Variants in SPATA13 observed in about 807,000 individuals in gnomAD.
SPATA13 encodes the protein spermatogenesis associated 13.
Under a neutral mutation model 104.0 loss-of-function variants are expected in SPATA13, and 50 were observed. The ratio of observed to expected loss-of-function variants is 0.48; its 90% CI spans 0.38 to 0.61. The LOEUF (loss-of-function observed/expected upper bound fraction) is 0.61. Among genes scored for constraint, SPATA13 ranks in the 20% least tolerant of loss-of-function variants. SPATA13 has a pLI of 0.00. For synonymous variants in SPATA13, 606 were observed against 667.5 expected, an observed-to-expected ratio of 0.91 and a Z score of 1.42; for missense variants, 1,524 against 1,690.6, an observed-to-expected ratio of 0.90 and a Z score of 1.73.
intron 3 of SPATA13, among the ~76,000 whole-genome samples, chr13:24,140,068 CA>C (rs542732994): frequency 0.039 from 3,336 of 85,882 alleles, 84 homozygotes; most frequent in African/African-American, 0.11. Flanking sequence ...GACTCCGTCT[CA>C]AAAAAAAAAA....
intron 3 of SPATA13, among the ~76,000 whole-genome samples, chr13:24,085,660 C>T (rs114812796): frequency 0.014 from 2,154 of 152,286 alleles, 52 homozygotes; most frequent in African/African-American, 0.049. Flanking sequence ...CCATGTGGCC[C>T]GACTCCCTTT....
chr13:24,053,411 C>T (rs1878431374), intron 3 of SPATA13, among the ~76,000 whole-genome samples: 2 of 152,132 alleles, frequency 1.3e-5, no homozygotes, highest in Non-Finnish European at 2.9e-5. Flanking sequence ...TAACAAAATT[C>T]GGGTAGAAAT....
At chr13:24,209,106 A>G (rs1870870873) in intron 1 of SPATA13, among the ~76,000 whole-genome samples, 1 of 152,108 alleles carries the variant, frequency 6.6e-6, no homozygotes, top group Non-Finnish European at 1.5e-5. Context: ...ATTCTAACGG[A>G]GGTGCAGAGA....
Position 24,019,096 on chromosome 13 carries a change from T to TTA in SPATA13, c.-112+1396_-112+1397insAT, listed in dbSNP as rs1305167522. ...GATTCTTATTATTATTATTATTATT[T>TTA]TTTTTTTTTTGAGACGGAGTCTCGC... On this transcript the variant is annotated intron_variant, in intron 3 of 14. Transcript: ENST00000424834. 4.2e-3 allele frequency among the ~76,000 whole-genome samples: 563 copies of TTA among 134,508 alleles called. 2 individuals are homozygous for TTA. Among genetic ancestry groups the TTA allele is most frequent in the African/African-American group, 0.013 (467 of 36,574 alleles). 88.2% of individuals were successfully genotyped at this position (134,508 alleles called of 152,430 possible).
At chr13:24,081,339 C>CT (rs942157017) in intron 3 of SPATA13, among the ~76,000 whole-genome samples, 211 of 152,186 alleles carry the variant, frequency 1.4e-3, no homozygotes, top group African/African-American at 4.9e-3. Context: ...ATTTTATTAT[C>CT]TTTTTTTCCC....
chr13:24,064,158 C>A (rs1466294757), intron 3 of SPATA13, among the ~76,000 whole-genome samples: 1 of 152,210 alleles, frequency 6.6e-6, no homozygotes, highest in Non-Finnish European at 1.5e-5. Context: ...ATTATTTTCC[C>A]TGTGAATGGA....
chr13:24,083,943 A>G (rs1038062897), intron 3 of SPATA13, among the ~76,000 whole-genome samples: 1 of 152,178 alleles, frequency 6.6e-6, no homozygotes, highest in Non-Finnish European at 1.5e-5. Context: ...CATCTCATGA[A>G]TTTCTGCAAT....
chr13:24,069,560 A>G (rs1879086601), intron 3 of SPATA13, among the ~76,000 whole-genome samples: 1 of 152,158 alleles, frequency 6.6e-6, no homozygotes, highest in Non-Finnish European at 1.5e-5. Context: ...ATGTGTCTAC[A>G]AACAGCGATA....
At chr13:24,206,728 C>T (rs1320709036) in intron 1 of SPATA13, among the ~76,000 whole-genome samples, 1 of 152,012 alleles carries the variant, frequency 6.6e-6, no homozygotes, top group Admixed American at 6.5e-5. Context: ...CCTGTCTCTA[C>T]TAAAAATACA....
At chr13:24,095,542 A>G (rs1318714139) in intron 3 of SPATA13, among the ~76,000 whole-genome samples, 2 of 152,198 alleles carry the variant, frequency 1.3e-5, no homozygotes, top group Non-Finnish European at 2.9e-5. Context: ...CCACGGAGCT[A>G]TACGTTTAGA....
At chr13:24,178,654 C>G (rs1456222105) in intron 1 of SPATA13, among the ~76,000 whole-genome samples, 2 of 152,182 alleles carry the variant, frequency 1.3e-5, no homozygotes, top group Non-Finnish European at 2.9e-5. Context: ...AATGGCTGAG[C>G]TGGGATTATA....
intron 3 of SPATA13, among the ~76,000 whole-genome samples, chr13:24,131,388 C>G (rs935877333): frequency 8.5e-5 from 13 of 152,178 alleles, no homozygotes; most frequent in Non-Finnish European, 1.5e-5. Flanking sequence ...GGCTGACTCA[C>G]AAAACCATCT....
At chr13:24,113,312 T>C (rs1462574925) in intron 3 of SPATA13, among the ~76,000 whole-genome samples, 1 of 152,222 alleles carries the variant, frequency 6.6e-6, no homozygotes, top group Non-Finnish European at 1.5e-5. Flanking sequence ...TTCATAAAGC[T>C]ACTTCTGGGA....
chr13:24,120,609 G>T (rs559685160), intron 3 of SPATA13, among the ~76,000 whole-genome samples: 1 of 152,106 alleles, frequency 6.6e-6, no homozygotes, highest in East Asian at 1.9e-4. Flanking sequence ...ATGTGAAAAG[G>T]GGGGACAGTA....
intron 3 of SPATA13, among the ~76,000 whole-genome samples, chr13:24,052,880 T>A (rs1878409004): frequency 5.0e-5 from 1 of 20,100 alleles, no homozygotes; most frequent in African/African-American, 2.0e-4. Context: ...ATACTACATG[T>A]CTCATGCTTT....
chr13:24,187,564 A>C (rs1404031427), intron 1 of SPATA13, among the ~76,000 whole-genome samples: 1 of 152,206 alleles, frequency 6.6e-6, no homozygotes, highest in African/African-American at 2.4e-5. Context: ...ATTCATTGTT[A>C]CAATAGCATG....
intron 1 of SPATA13, among the ~76,000 whole-genome samples, chr13:24,165,956 A>G (rs1478021496): frequency 1.3e-5 from 2 of 152,194 alleles, no homozygotes; most frequent in African/African-American, 4.8e-5. Flanking sequence ...TTGTGACTCT[A>G]TAGCTAAAAG....
At chr13:24,125,325 T>C (rs775654866) in intron 3 of SPATA13, among the ~76,000 whole-genome samples, 22 of 152,170 alleles carry the variant, frequency 1.4e-4, no homozygotes, top group Admixed American at 1.3e-3. Flanking sequence ...CTTCCTGTCA[T>C]TCCTAATGAG....
chr13:24,282,234 T>G (rs756803372), intron 4 of SPATA13, among the ~76,000 whole-genome samples: 10 of 152,092 alleles, frequency 6.6e-5, no homozygotes, highest in Non-Finnish European at 5.9e-5. Context: ...GCAGGTAAGA[T>G]GAACTGTGCA....
Sources: allele counts gnomAD v4.1 joint callset (sites outside exome capture counted in the v4.1 genomes callset), GRCh38; gene constraint gnomAD v4.1.1; transcripts MANE v1.5; gene names NCBI Gene and HGNC (gene_info 2026-07-23, HGNC 2026-07-21).